The following CNTNAP5 variants were observed in gnomAD, a reference collection of about 807,000 sequenced individuals.
The protein encoded by CNTNAP5 is contactin-associated protein-like 5.
In CNTNAP5, 72 loss-of-function variants were observed where a neutral mutation model predicts 150.2. The ratio of observed to expected loss-of-function variants is 0.48; its 90% CI spans 0.40 to 0.58. The LOEUF (loss-of-function observed/expected upper bound fraction) is 0.58, where lower values mean the gene tolerates loss of function less well. CNTNAP5 is among the 20% of genes least tolerant of loss of function. The pLI is 0.00. For missense variants in CNTNAP5, 1,636 were observed against 1,626.2 expected (o/e 1.01, Z -0.10); for synonymous variants, 672 against 619.8 (o/e 1.08, Z -1.25).
chr2:124,270,029 A>G (rs1001438069), intron 3 of CNTNAP5, among the ~76,000 whole-genome samples: 2 of 152,168 alleles, frequency 1.3e-5, no homozygotes, highest in Non-Finnish European at 2.9e-5. Context: ...ATAAGCTATC[A>G]TGGGGACCGG....
At chr2:124,687,150 G>A (rs570407110) in intron 13 of CNTNAP5, among the ~76,000 whole-genome samples, 2 of 152,088 alleles carry the variant, frequency 1.3e-5, no homozygotes, top group East Asian at 3.9e-4. Flanking sequence ...GGAGAGAAGG[G>A]CCATAGTGCC....
Position 124,702,346 on chromosome 2 carries a change from C to CTTTTTTTTTTTTTT in CNTNAP5, c.2078-44846_2078-44833dup, listed in dbSNP as rs71412792. Among the ~76,000 whole-genome samples, 19 of 52,250 alleles carry CTTTTTTTTTTTTTT rather than the reference C, an allele frequency of 3.6e-4. 6 individuals are homozygous for CTTTTTTTTTTTTTT. Among genetic ancestry groups the CTTTTTTTTTTTTTT allele is most frequent in the Non-Finnish European group, 6.3e-4 (19 of 30,002 alleles). 34.3% of individuals were successfully genotyped at this position (52,250 alleles called of 152,430 possible). A position where few individuals can be genotyped will look rare whatever the true frequency, so the allele number is the denominator to read the frequency against. The stretch of plus-strand genomic sequence containing the variant: ...ATGTCCTTCTGTGAAACTATGAACA[C>CTTTTTTTTTTTTTT]TTTTTTTTTTTTTTTTTTTTTTTTT... On this transcript the variant is annotated intron_variant, in intron 13 of 23. Coordinates refer to ENST00000682447, the MANE Select transcript of CNTNAP5 (RefSeq NM_001367498.1).
intron 3 of CNTNAP5, among the ~76,000 whole-genome samples, chr2:124,287,774 A>G (rs953964240): frequency 4.6e-5 from 7 of 152,182 alleles, no homozygotes; most frequent in African/African-American, 7.2e-5. Flanking sequence ...CAATATTTCT[A>G]TAGGTTAAAG....
At chr2:124,737,842 T>C in intron 13 of CNTNAP5, among the ~76,000 whole-genome samples, 1 of 152,278 alleles carries the variant, frequency 6.6e-6, no homozygotes, top group South Asian at 2.1e-4. Context: ...TCTATGCCTT[T>C]GTTTTCTCAT....
intron 12 of CNTNAP5, among the ~76,000 whole-genome samples, chr2:124,618,344 A>C (rs376755197): frequency 3.3e-5 from 5 of 152,172 alleles, no homozygotes; most frequent in African/African-American, 1.2e-4. Flanking sequence ...CACTGACCCC[A>C]TATCTTGAGG....
intron 3 of CNTNAP5, among the ~76,000 whole-genome samples, chr2:124,283,044 C>T (rs1345735701): frequency 1.3e-5 from 2 of 150,136 alleles, no homozygotes; most frequent in African/African-American, 4.9e-5. Flanking sequence ...AAACCATTCT[C>T]AGGATATTCC....
rs1451782771 is a variant in CNTNAP5 at position 124,408,803 on chromosome 2, T to A, written c.382-8640T>A. 5.3e-5 allele frequency among the ~76,000 whole-genome samples: 8 copies of A among 151,528 alleles called. No individual in the cohort carries two copies. The East Asian group carries it at 5.9e-4, about 11-fold the overall frequency. On this transcript the variant is annotated intron_variant, in intron 3 of 23. Coordinates refer to ENST00000682447, the MANE Select transcript of CNTNAP5 (RefSeq NM_001367498.1). ...GATGGGGAAAAAACAGAACAGAAAA[T>A]CTGGAAACTCTAAAATGCAGAGCTC...
rs890368584 is a variant in CNTNAP5 at position 124,408,291 on chromosome 2, G to T, written c.382-9152G>T. ...CAGTCTGAGATCAAACTGCAAGGCC[G>T]CAGCGAGGCTGGGGGAGGGGCGCCC... On this transcript the variant is annotated intron_variant, in intron 3 of 23. Transcript: ENST00000682447. 1.2e-4 allele frequency among the ~76,000 whole-genome samples: 19 copies of T among 152,190 alleles called. 1 individual carries two copies. Among genetic ancestry groups the T allele is most frequent in the Admixed American group, 6.5e-4 (10 of 15,302 alleles).
intron 3 of CNTNAP5, among the ~76,000 whole-genome samples, chr2:124,330,619 A>G (rs145888715): frequency 2.6e-5 from 4 of 152,282 alleles, no homozygotes; most frequent in African/African-American, 9.6e-5. Context: ...ACCTTCCACC[A>G]TGATTGTAAG....
In CNTNAP5 at chr2:124,417,444, C is replaced by A. The variant is rs774904439; in HGVS notation, c.383C>A (p.Thr128Asn). The change falls in exon 4 of 24, where the codon ACC becomes AAC. Residue 128 changes from threonine to asparagine, a missense_variant and splice_region_variant. By Grantham distance (65) the Thr-to-Asn change is moderately conservative. Coordinates refer to ENST00000682447, the MANE Select transcript of CNTNAP5 (RefSeq NM_001367498.1). Reference sequence around the variant, plus strand: ...CTGCCTCTCCTTTCTTCTCTGCAGACCTTTGCAGGAAACATGAATGCTGAC... The same window carrying A: ...CTGCCTCTCCTTTCTTCTCTGCAGAACTTTGCAGGAAACATGAATGCTGAC... The part of the protein sequence containing the change: ...KQYKQEDSIW[T>N]FAGNMNADSV... 3.0e-5 allele frequency: 48 copies of A among 1,613,634 alleles called. 1 individual carries two copies. Among genetic ancestry groups the A allele is most frequent in the Non-Finnish European group, 3.0e-5 (35 of 1,179,696 alleles).
rs1678994008 is a variant in CNTNAP5 at position 124,678,488 on chromosome 2, T to C, written c.2077+30530T>C. Among the ~76,000 whole-genome samples the C allele has an allele frequency of 2.0e-5, 3 of 151,778 alleles. No homozygotes were observed. In the South Asian group the frequency reaches 6.2e-4, roughly 32 times the overall value. On this transcript the variant is annotated intron_variant, in intron 13 of 23. Transcript: ENST00000682447. ...GCTTCCTCACCGAGAGCATTCCTTT[T>C]CTGCTCTTGTCTGCCTGCCTGCTCT...
At chr2:124,593,473 T>C (rs1484316284) in intron 11 of CNTNAP5, among the ~76,000 whole-genome samples, 4 of 95,572 alleles carry the variant, frequency 4.2e-5, no homozygotes, top group African/African-American at 1.6e-4. Context: ...ACTCATCATT[T>C]TTTATGGCTG....
chr2:124,749,429 C>T (rs1380312892), intron 14 of CNTNAP5, among the ~76,000 whole-genome samples: 1 of 149,076 alleles, frequency 6.7e-6, no homozygotes, highest in Non-Finnish European at 1.5e-5. Flanking sequence ...CTCTCTCTCT[C>T]TTTCTTTCTT....
chr2:124,447,191 C>T (rs2104806833), intron 6 of CNTNAP5, among the ~76,000 whole-genome samples: 1 of 125,214 alleles, frequency 8.0e-6, no homozygotes, highest in African/African-American at 3.1e-5. Flanking sequence ...GTTTCCTTCT[C>T]ATTTTTTTTT....
At chr2:124,280,184 T>C (rs976151986) in intron 3 of CNTNAP5, among the ~76,000 whole-genome samples, 10 of 151,274 alleles carry the variant, frequency 6.6e-5, no homozygotes, top group Admixed American at 5.9e-4. Context: ...ATATATACAT[T>C]TTTTTTTATT....
intron 1 of CNTNAP5, among the ~76,000 whole-genome samples, chr2:124,050,394 G>T (rs1681665216): frequency 6.6e-6 from 1 of 152,060 alleles, no homozygotes; most frequent in Admixed American, 6.6e-5. Context: ...AGTCCGGGAG[G>T]TGGAGGTTGC....
intron 1 of CNTNAP5, among the ~76,000 whole-genome samples, chr2:124,195,004 A>G (rs1400691862): frequency 6.6e-6 from 1 of 151,862 alleles, no homozygotes; most frequent in South Asian, 2.1e-4. Flanking sequence ...CTACACCAAT[A>G]GAAAACTGGC....
intron 19 of CNTNAP5, among the ~76,000 whole-genome samples, chr2:124,826,411 G>A (rs1351851103): frequency 1.3e-5 from 2 of 152,006 alleles, no homozygotes; most frequent in Admixed American, 6.6e-5. Context: ...ATGAGTGGGA[G>A]GTAAAGAGAG....
In CNTNAP5 at chr2:124,537,021, G is replaced by GGT. The variant is rs1041910395; in HGVS notation, c.1649+9581_1649+9582dup. On this transcript the variant is annotated intron_variant, in intron 10 of 23. Transcript: ENST00000682447. Reference sequence around the variant, plus strand: ...GGGCCAGGGCAGTGTGACAATGTGTGGTGTGTGTGTGTGTGTGAGAGAGAG... The same window carrying GGT: ...GGGCCAGGGCAGTGTGACAATGTGTGGTGTGTGTGTGTGTGTGTGAGAGAGAG... Among the ~76,000 whole-genome samples, 163 of 151,310 alleles carry GGT rather than the reference G, an allele frequency of 1.1e-3. 1 individual carries two copies. Among genetic ancestry groups the GGT allele is most frequent in the African/African-American group, 2.9e-3 (119 of 41,286 alleles).
Sources: gnomAD v4.1 joint callset for allele counts (sites outside exome capture counted in the v4.1 genomes callset) on GRCh38, gnomAD v4.1.1 for gene constraint, MANE v1.5 for transcripts, NCBI Gene and HGNC (gene_info 2026-07-23, HGNC 2026-07-21) for gene names.